The following ZFX variants were observed in gnomAD, a reference collection of about 807,000 sequenced individuals.
ZFX encodes zinc finger protein X-linked, also known as zinc finger X-chromosomal protein.
For synonymous variants in ZFX, 196 were observed against 226.8 expected (o/e 0.86, Z 1.22); for missense variants, 362 against 628.3 (o/e 0.58, Z 4.53).
At chrX:24,157,272 C>G (rs1343478706) in intron 3 of ZFX, among the ~76,000 whole-genome samples, 1 of 111,844 alleles carries the variant, frequency 8.9e-6, no homozygotes, top group Non-Finnish European at 1.9e-5. Flanking sequence ...GTTATAGTTG[C>G]TATTATTGCT....
At chrX:24,198,740 G>A (rs186602627) in intron 5 of ZFX, among the ~76,000 whole-genome samples, 281 of 110,931 alleles carry the variant, frequency 2.5e-3, no homozygotes, top group Non-Finnish European at 4.0e-3. Context: ...CGTACTTAGG[G>A]AGGTAAAAAG....
intron 5 of ZFX, among the ~76,000 whole-genome samples, chrX:24,189,318 G>A (rs1829371678): frequency 8.9e-6 from 1 of 111,859 alleles, no homozygotes; most frequent in African/African-American, 3.3e-5. Context: ...AGATGGACAT[G>A]CTAAAGATTT....
chrX:24,151,989 C>T (rs993786995), intron 2 of ZFX, among the ~76,000 whole-genome samples, 189 bp downstream of exon 2: 1 of 111,810 alleles, frequency 8.9e-6, no homozygotes, highest in Admixed American at 9.5e-5. Context: ...GATTTCTCAT[C>T]CGAAATAATC....
intron 3 of ZFX, among the ~76,000 whole-genome samples, chrX:24,171,909 A>G (rs766388883): frequency 2.3e-5 from 1 of 42,769 alleles, no homozygotes; most frequent in East Asian, 1.2e-3. Context: ...AGAGAAGGAG[A>G]GAGAGAGAGA....
chrX:24,155,399 G>C (rs139230271), intron 3 of ZFX, among the ~76,000 whole-genome samples: 91 of 111,470 alleles, frequency 8.2e-4, no homozygotes, highest in African/African-American at 2.9e-3. Context: ...CATTTTATTT[G>C]TATTTCAGTG....
At chrX:24,186,854 G>A (rs1936157698) in intron 5 of ZFX, among the ~76,000 whole-genome samples, 1 of 111,362 alleles carries the variant, frequency 9.0e-6, no homozygotes, top group Non-Finnish European at 1.9e-5. Context: ...ACTATTTACT[G>A]CATCTTTGCT....
At chrX:24,158,798 G>A (rs757131560) in intron 3 of ZFX, among the ~76,000 whole-genome samples, 3 of 90,704 alleles carry the variant, frequency 3.3e-5, no homozygotes, top group South Asian at 9.5e-4. Context: ...CACCATGCCC[G>A]GCTAATTTTT....
At position 24,188,191 on chromosome X, in the gene ZFX, AT is replaced by A. The variant is rs1205608250; in HGVS notation, c.646+8431del. On this transcript the variant is annotated intron_variant, in intron 5 of 9. Coordinates refer to ENST00000304543, the MANE Select transcript of ZFX (RefSeq NM_003410.4). Reference sequence around the variant, plus strand: ...TGAGACTGTCTCAAAAAAAAAAAAAATTTTTTTTTTGGTACGCTTGAGGGAG... The same window carrying A: ...TGAGACTGTCTCAAAAAAAAAAAAAATTTTTTTTTGGTACGCTTGAGGGAG... 5.6e-4 allele frequency among the ~76,000 whole-genome samples: 59 copies of A among 106,298 alleles called. No homozygotes were observed. The East Asian group carries it at 9.3e-3, about 17-fold the overall frequency. The allele number at this position is 106,298 out of a possible 115,157, so 92.3% of individuals were successfully genotyped here. A position where few individuals can be genotyped will look rare whatever the true frequency, so the allele number is the denominator to read the frequency against.
chrX:24,174,945 C>G (rs938333506), intron 4 of ZFX, among the ~76,000 whole-genome samples: 1 of 110,629 alleles, frequency 9.0e-6, no homozygotes, highest in Non-Finnish European at 1.9e-5. Context: ...AAGTGCTCCT[C>G]CCACCTTGGC....
chrX:24,179,834 CAG>C, intron 5 of ZFX, 64 bp downstream of exon 5: 11 of 1,012,845 alleles, frequency 1.1e-5, no homozygotes, highest in Non-Finnish European at 1.2e-5. Context: ...TAATTTACAT[CAG>C]GGGTGAAATT....
rs772547037 is a variant in ZFX, at chrX:24,151,723, ACTC to A, written c.-214_-212del. The A allele has an allele frequency of 9.1e-6, 1 of 109,715 alleles. No individual in the cohort carries two copies. The highest frequency in any genetic ancestry group is 3.3e-5 in the African/African-American group (1 of 30,010). 9.0% of individuals were successfully genotyped at this position (109,715 alleles called of 1,213,427 possible). On this transcript the variant is annotated 5_prime_UTR_variant, in exon 2 of 10. Transcript: ENST00000304543. Reference sequence around the variant, plus strand: ...CTATATTGCCCCAGGCTGGTCTCGAACTCCTGGGCTCAAGCCGTTCTCCCGCCT... The same window carrying A: ...CTATATTGCCCCAGGCTGGTCTCGAACTGGGCTCAAGCCGTTCTCCCGCCT...
chrX:24,168,083 A>G (rs1011055648), intron 3 of ZFX, among the ~76,000 whole-genome samples: 4 of 112,314 alleles, frequency 3.6e-5, no homozygotes, highest in African/African-American at 1.3e-4. Flanking sequence ...ATTGAACAAC[A>G]TGGGGGAAAA....
At chrX:24,168,675 T>C (rs1042480252) in intron 3 of ZFX, among the ~76,000 whole-genome samples, 11 of 97,695 alleles carry the variant, frequency 1.1e-4, no homozygotes, top group Non-Finnish European at 1.7e-4. Context: ...TTCTTTCTTT[T>C]TTTTTTTTTT....
chrX:24,151,480 C>A (rs569741946), intron 1 of ZFX: 1 of 111,351 alleles, frequency 9.0e-6, no homozygotes, highest in Admixed American at 9.5e-5. Context: ...CTTCAGTAAA[C>A]AGTAAGTATT....
intron 4 of ZFX, among the ~76,000 whole-genome samples, chrX:24,174,486 C>T (rs1308411626): frequency 1.9e-5 from 2 of 105,653 alleles, no homozygotes; most frequent in Non-Finnish European, 3.9e-5. Flanking sequence ...CTCTGTCTCC[C>T]GAGTTCAAGT....
intron 5 of ZFX, among the ~76,000 whole-genome samples, chrX:24,192,824 G>A (rs1936628723): frequency 9.2e-6 from 1 of 108,789 alleles, no homozygotes; most frequent in South Asian, 4.1e-4. Flanking sequence ...GAGCCCAGAA[G>A]GTCAGGGCCA....
chrX:24,162,054 G>GA (rs1933395078), intron 3 of ZFX, among the ~76,000 whole-genome samples: 1 of 96,432 alleles, frequency 1.0e-5, no homozygotes, highest in African/African-American at 3.9e-5. Flanking sequence ...TGTCTAAAAA[G>GA]GAAAAAAAAA....
chrX:24,204,594 T>C (rs1241897013), intron 5 of ZFX, among the ~76,000 whole-genome samples: 2 of 112,256 alleles, frequency 1.8e-5, no homozygotes, highest in African/African-American at 6.5e-5. Flanking sequence ...CACATTCATT[T>C]GTTTTTCACG....
intron 5 of ZFX, among the ~76,000 whole-genome samples, chrX:24,194,851 A>G (rs1210983855): frequency 9.3e-6 from 1 of 107,661 alleles, no homozygotes; most frequent in Non-Finnish European, 1.9e-5. Flanking sequence ...AGTTCAAGCA[A>G]TTCTCCTGCC....
Sources: allele counts gnomAD v4.1 joint callset (sites outside exome capture counted in the v4.1 genomes callset), GRCh38; gene constraint gnomAD v4.1.1; transcripts MANE v1.5; gene names NCBI Gene and HGNC (gene_info 2026-07-23, HGNC 2026-07-21).